RAB28: variants seen among roughly 807,000 people sequenced by gnomAD.
The protein encoded by RAB28 is RAB28, member RAS oncogene family.
RAB28 carries 24 observed loss-of-function variants against 31.7 expected under a neutral mutation model. The observed-to-expected ratio is 0.76, with a 90% CI of 0.55 to 1.06. The LOEUF is 1.06. Among genes scored for constraint, RAB28 ranks in the 50% least tolerant of loss-of-function variants. The pLI is 0.00. For missense variants in RAB28, 254 were observed against 258.5 expected, an observed-to-expected ratio of 0.98 and a Z score of 0.12; for synonymous variants, 100 against 90.4, an observed-to-expected ratio of 1.11 and a Z score of -0.60.
At chr4:13,468,137 G>T (rs11728605) in intron 3 of RAB28, among the ~76,000 whole-genome samples, 2,522 of 151,978 alleles carry the variant, frequency 0.017, 28 homozygotes, top group Non-Finnish European at 0.026. Context: ...GAACTGCAAG[G>T]AGTTCCAAAT....
intron 4 of RAB28, among the ~76,000 whole-genome samples, chr4:13,389,775 T>C (rs1240334768): frequency 1.3e-5 from 2 of 151,724 alleles, no homozygotes; most frequent in African/African-American, 4.8e-5. Flanking sequence ...ATTCTGAATC[T>C]ACCTTCACAT....
intron 4 of RAB28, among the ~76,000 whole-genome samples, chr4:13,451,711 C>G (rs1319056009): frequency 6.6e-6 from 1 of 151,634 alleles, no homozygotes; most frequent in Non-Finnish European, 1.5e-5. Flanking sequence ...TAGTTTACAT[C>G]TTGCATTTAG....
intron 4 of RAB28, among the ~76,000 whole-genome samples, chr4:13,440,625 C>T (rs546755545): frequency 1.3e-3 from 195 of 152,048 alleles, no homozygotes; most frequent in Non-Finnish European, 2.3e-3. Context: ...CTTCAACATT[C>T]TATGATTATG....
At position 13,450,961 on chromosome 4, in the gene RAB28, T is replaced by C. The variant is rs1714939361; in HGVS notation, c.391+9738A>G. On this transcript the variant is annotated intron_variant, in intron 4 of 6. Transcript: ENST00000330852. ...AGTAGTAGGTAAGAGCTCAATCCCC[T>C]AACATTGGTAAATTTGGGTAAGGAG... is the stretch of plus-strand genomic sequence containing the variant. 2.0e-5 allele frequency among the ~76,000 whole-genome samples: 3 copies of C among 151,884 alleles called. No individual in the cohort carries two copies. The South Asian group carries it at 6.2e-4, about 31-fold the overall frequency.
chr4:13,427,354 T>C (rs1314774128), intron 4 of RAB28, among the ~76,000 whole-genome samples: 1 of 152,198 alleles, frequency 6.6e-6, no homozygotes, highest in Non-Finnish European at 1.5e-5. Context: ...ATAATGCAAT[T>C]GATTTCACAC....
chr4:13,409,093 A>G (rs968358282), intron 4 of RAB28, among the ~76,000 whole-genome samples: 2 of 152,204 alleles, frequency 1.3e-5, no homozygotes, highest in African/African-American at 4.8e-5. Context: ...AAAATAAAGC[A>G]TTATACTAAA....
At chr4:13,410,921 G>A (rs1437545829) in intron 4 of RAB28, among the ~76,000 whole-genome samples, 1 of 151,930 alleles carries the variant, frequency 6.6e-6, no homozygotes, top group Non-Finnish European at 1.5e-5. Flanking sequence ...TAAAAGAAAG[G>A]GAGAAATAAT....
chr4:13,406,465 T>C (rs11938580), intron 4 of RAB28, among the ~76,000 whole-genome samples: 2,614 of 152,212 alleles, frequency 0.017, 83 homozygotes, highest in African/African-American at 0.059. Context: ...TAAACATAGG[T>C]GTGTATGTGT....
chr4:13,381,287 C>A (rs376739939), intron 5 of RAB28, among the ~76,000 whole-genome samples: 1 of 151,876 alleles, frequency 6.6e-6, no homozygotes, highest in Non-Finnish European at 1.5e-5. Flanking sequence ...CATTTTAATT[C>A]CCCTTTTAAA....
intron 4 of RAB28, among the ~76,000 whole-genome samples, chr4:13,402,048 G>A (rs998419030): frequency 3.3e-5 from 5 of 152,170 alleles, no homozygotes; most frequent in African/African-American, 9.7e-5. Flanking sequence ...TAATATTTGG[G>A]AATATTACAA....
At chr4:13,371,031 A>C in intron 6 of RAB28, 1 of 983,908 alleles carries the variant, frequency 1.0e-6, no homozygotes, top group Non-Finnish European at 1.2e-6. Context: ...ACCCTTCATA[A>C]TAGCATCTAT....
chr4:13,386,652 G>A (rs753528026), intron 4 of RAB28, among the ~76,000 whole-genome samples: 20 of 152,152 alleles, frequency 1.3e-4, no homozygotes, highest in Non-Finnish European at 2.8e-4. Flanking sequence ...GTTGGTGGAA[G>A]TATAAATTAC....
At chr4:13,420,851 C>A (rs1176491041) in intron 4 of RAB28, among the ~76,000 whole-genome samples, 1 of 152,142 alleles carries the variant, frequency 6.6e-6, no homozygotes, top group Admixed American at 6.5e-5. Flanking sequence ...TGGCACAAGA[C>A]AAGGATTCCT....
chr4:13,376,762 T>C, intron 5 of RAB28, 140 bp from the exon 6 acceptor site: 1 of 488,916 alleles, frequency 2.0e-6, no homozygotes, highest in Admixed American at 3.8e-5. Flanking sequence ...AATAGCTTTA[T>C]TTGTCAAATG....
intron 3 of RAB28, among the ~76,000 whole-genome samples, chr4:13,467,073 T>C (rs1164969301): frequency 2.0e-5 from 3 of 151,854 alleles, no homozygotes; most frequent in African/African-American, 7.2e-5. Flanking sequence ...TCAGGAGATA[T>C]AAAGATTTTT....
intron 4 of RAB28, among the ~76,000 whole-genome samples, chr4:13,408,519 T>C (rs748846458): frequency 6.6e-6 from 1 of 152,180 alleles, no homozygotes; most frequent in Non-Finnish European, 1.5e-5. Context: ...AGGATGATGC[T>C]GGCCTCATAA....
intron 6 of RAB28, among the ~76,000 whole-genome samples, chr4:13,374,036 A>C (rs992233880): frequency 2.6e-5 from 4 of 152,048 alleles, no homozygotes; most frequent in African/African-American, 9.7e-5. Flanking sequence ...AACTTGCCAA[A>C]ATGTTTCCAC....
At chr4:13,404,759 T>A (rs1711975613) in intron 4 of RAB28, among the ~76,000 whole-genome samples, 1 of 152,150 alleles carries the variant, frequency 6.6e-6, no homozygotes, top group South Asian at 2.1e-4. Context: ...AACAAAATTA[T>A]ACCAATCAAC....
chr4:13,417,121 G>A (rs1482719218), intron 4 of RAB28, among the ~76,000 whole-genome samples: 1 of 152,196 alleles, frequency 6.6e-6, no homozygotes, highest in Non-Finnish European at 1.5e-5. Flanking sequence ...TGCCTATAGA[G>A]CCTTGCTCAC....
Sources: gnomAD v4.1 joint callset for allele counts (sites outside exome capture counted in the v4.1 genomes callset) on GRCh38, gnomAD v4.1.1 for gene constraint, MANE v1.5 for transcripts, NCBI Gene and HGNC (gene_info 2026-07-23, HGNC 2026-07-21) for gene names.